FAM83B: variants seen among roughly 807,000 people sequenced by gnomAD.
FAM83B encodes scaffolding CK1 anchoring protein B.
A neutral mutation model predicts 38.8 loss-of-function variants in FAM83B; 26 were observed. The ratio of observed to expected loss-of-function variants is 0.67; its 90% CI spans 0.49 to 0.93. The LOEUF (loss-of-function observed/expected upper bound fraction) is 0.93, where lower values mean the gene tolerates loss of function less well. FAM83B is among the 40% of genes least tolerant of loss of function. The pLI is 0.00. For missense variants in FAM83B, 1,237 were observed against 1,197.3 expected, an observed-to-expected ratio of 1.03 and a Z score of -0.49; for synonymous variants, 419 against 423.1, an observed-to-expected ratio of 0.99 and a Z score of 0.12.
At position 54,883,157 on chromosome 6, in the gene FAM83B, A is replaced by C. The variant is rs531387640; in HGVS notation, c.444+12467A>C. Among the ~76,000 whole-genome samples the C allele has an allele frequency of 8.1e-4, 123 of 151,950 alleles. 1 individual carries two copies. Among genetic ancestry groups the C allele is most frequent in the Middle Eastern group, 3.4e-3 (1 of 294 alleles). ...GACTGGTTTCACCGTGTTAGCCAGG[A>C]TGGTCTCTATCTCCTGACCTTGTGA... On this transcript the variant is annotated intron_variant, in intron 2 of 4. Transcript: ENST00000306858.
At chr6:54,937,327 G>C (rs1366418973) in intron 4 of FAM83B, among the ~76,000 whole-genome samples, 1 of 151,838 alleles carries the variant, frequency 6.6e-6, no homozygotes, top group Non-Finnish European at 1.5e-5. Flanking sequence ...AAAGGAATTG[G>C]AGCTTCCATA....
intron 2 of FAM83B, among the ~76,000 whole-genome samples, chr6:54,923,872 T>TC (rs1480737760): frequency 6.6e-6 from 1 of 151,708 alleles, no homozygotes; most frequent in Non-Finnish European, 1.5e-5. Flanking sequence ...TTTTCTTTTT[T>TC]TTTTTTTAAC....
Position 54,915,812 on chromosome 6 carries a change from CAAAAA to C in FAM83B, c.445-10538_445-10534del, listed in dbSNP as rs58597609. ...TGGGCGACAGAGCGAGACTCCGTCTCAAAAAAAAAAAAAAAAAAAAAAAAAGAAAC... is the reference window on the plus strand; with the variant it reads ...TGGGCGACAGAGCGAGACTCCGTCTCAAAAAAAAAAAAAAAAAAAAGAAAC... On this transcript the variant is annotated intron_variant, in intron 2 of 4. Transcript: ENST00000306858. Among the ~76,000 whole-genome samples, 101 of 18,038 alleles carry C rather than the reference CAAAAA, an allele frequency of 5.6e-3. 4 individuals are homozygous for C. The highest frequency in any genetic ancestry group is 9.9e-3 in the African/African-American group (42 of 4,248). The allele number at this position is 18,038 out of a possible 152,430, so 11.8% of individuals were successfully genotyped here.
chr6:54,880,699 T>C (rs1039441978), intron 2 of FAM83B, among the ~76,000 whole-genome samples: 4 of 152,116 alleles, frequency 2.6e-5, no homozygotes, highest in Admixed American at 2.0e-4. Flanking sequence ...CGCCTCGGCC[T>C]CCCCAGGTGC....
In FAM83B at chr6:54,941,630, C is replaced by G; in HGVS notation, c.2659C>G (p.Pro887Ala). ...GGAAAGGGCAGGAGATGCCTCTGCC[C>G]CAAGATTTAACACTGAACAGATCCA... ...FLERAGDASA[P>A]RFNTEQIQYR... Residue 887 changes from proline (P) to alanine (A), a missense_variant, in exon 5 of 5, where the codon CCA becomes GCA. Physicochemically the swap from Pro to Ala is conservative, Grantham distance 27 (BLOSUM62 -1). Transcript: ENST00000306858. The G allele has an allele frequency of 6.2e-7, 1 of 1,614,018 alleles. No homozygotes were observed. The highest frequency in any genetic ancestry group is 2.2e-5 in the East Asian group (1 of 44,870).
rs1330053621 is a variant in FAM83B, at chr6:54,926,497, ATGAC to A, written c.575_578del (p.Thr192ArgfsTer18). 3.1e-6 allele frequency: 5 copies of A among 1,607,984 alleles called. No individual in the cohort carries two copies. Among genetic ancestry groups the A allele is most frequent in the South Asian group, 1.1e-5 (1 of 90,350 alleles). Reference sequence around the variant, plus strand: ...GTCCAATTTTAATCATTTTCTAAATATGACTGAGAAACAAGGTTGTTCAGTTCAG... The same window carrying A: ...GTCCAATTTTAATCATTTTCTAAATATGAGAAACAAGGTTGTTCAGTTCAG... On this transcript the variant is annotated frameshift_variant, in exon 3 of 5. Coordinates refer to ENST00000306858, the MANE Select transcript of FAM83B (RefSeq NM_001010872.3). LOFTEE classifies it high-confidence loss of function.
At chr6:54,933,371 CTG>C (rs920577317) in intron 4 of FAM83B, among the ~76,000 whole-genome samples, 54 of 151,024 alleles carry the variant, frequency 3.6e-4, no homozygotes, top group Non-Finnish European at 6.9e-4. Context: ...GTTTACTTGT[CTG>C]TGTGTGTGTG....
intron 2 of FAM83B, among the ~76,000 whole-genome samples, chr6:54,877,671 C>T (rs549760056): frequency 6.6e-6 from 1 of 152,278 alleles, no homozygotes; most frequent in East Asian, 1.9e-4. Context: ...AGGCACTGTG[C>T]TAAGCACTTT....
In FAM83B at chr6:54,927,470, A is replaced by T. The variant is rs769999411; in HGVS notation, c.610-38A>T. On this transcript the variant is annotated intron_variant, in intron 3 of 4. Transcript: ENST00000306858. ...TTGGTTTTCAAAATATTCTTTTCCT[A>T]GCCATAATGTCTGCTTTTTATTTAC... 5 of 1,455,968 alleles carry T rather than the reference A, an allele frequency of 3.4e-6. No homozygotes were observed. In the African/African-American group the frequency reaches 7.1e-5, roughly 21 times the overall value. The allele number at this position is 1,455,968 out of a possible 1,614,324, so 90.2% of individuals were successfully genotyped here.
chr6:54,941,888 G>A lies in FAM83B; in HGVS notation c.2917G>A (p.Gly973Ser), dbSNP rs753130337. The A allele has an allele frequency of 6.2e-7, 1 of 1,613,870 alleles. No homozygotes were observed. Among genetic ancestry groups the A allele is most frequent in the Non-Finnish European group, 8.5e-7 (1 of 1,179,934 alleles). Reference protein sequence around the residue: ...IKSATMGNSYGRSSPLLNYNT... With the variant: ...IKSATMGNSYSRSSPLLNYNT... ...ATCTGCGACTATGGGCAACAGTTAT[G>A]GCAGGTCTAGTCCATTGCTTAATTA... is the stretch of plus-strand genomic sequence containing the variant. The change falls in exon 5 of 5, where the codon GGC becomes AGC. Residue 973 changes from glycine to serine, a missense_variant. Gly to Ser is a moderately conservative substitution (Grantham distance 56). Coordinates refer to ENST00000306858, the MANE Select transcript of FAM83B (RefSeq NM_001010872.3).
At chr6:54,848,018 G>C (rs1027051102) in intron 1 of FAM83B, among the ~76,000 whole-genome samples, 2 of 145,932 alleles carry the variant, frequency 1.4e-5, no homozygotes, top group African/African-American at 5.1e-5. Flanking sequence ...GACTGAGGCT[G>C]AATCATTGCT....
intron 2 of FAM83B, among the ~76,000 whole-genome samples, chr6:54,884,494 A>G (rs968790880): frequency 2.0e-5 from 3 of 151,482 alleles, no homozygotes; most frequent in Non-Finnish European, 4.4e-5. Flanking sequence ...AAAAAAAAAA[A>G]AAAAAGAAAT....
Position 54,907,638 on chromosome 6 carries a change from T to A in FAM83B, c.445-18733T>A, listed in dbSNP as rs370846756. 8.4e-4 allele frequency among the ~76,000 whole-genome samples: 121 copies of A among 143,658 alleles called. 2 individuals carry two copies. The South Asian group carries it at 0.02, about 24-fold the overall frequency. The allele number at this position is 143,658 out of a possible 152,430, so 94.2% of individuals were successfully genotyped here. ...AGAATGTTTTATGAAGATTTTTTTT[T>A]AAAAAACAGTGTCATAGAATTTCAG... is the stretch of plus-strand genomic sequence containing the variant. On this transcript the variant is annotated intron_variant, in intron 2 of 4. Transcript: ENST00000306858.
At chr6:54,902,074 CATT>C (rs1256510675) in intron 2 of FAM83B, among the ~76,000 whole-genome samples, 1 of 152,064 alleles carries the variant, frequency 6.6e-6, no homozygotes. Flanking sequence ...TTGGGTCAAC[CATT>C]ATTTCCTATA....
rs1292021384 is a variant in FAM83B at position 54,941,328 on chromosome 6, A to T, written c.2357A>T (p.Lys786Ile). ...TTACTTAGCCTTACCCCAGATAAGA[A>T]AGAAAATCTATCCAAAAATAAAGCA... ...RSLLSLTPDKKENLSKNKAPA... is the reference protein window; with the variant it reads ...RSLLSLTPDKIENLSKNKAPA... The change falls in exon 5 of 5, where the codon AAA becomes ATA. Residue 786 changes from lysine to isoleucine, a missense_variant. Transcript: ENST00000306858. 1.2e-6 allele frequency: 2 copies of T among 1,612,670 alleles called. No homozygotes were observed. Among genetic ancestry groups the T allele is most frequent in the Non-Finnish European group, 1.7e-6 (2 of 1,179,704 alleles).
At chr6:54,846,370 C>T (rs1314167472), upstream of FAM83B, among the ~76,000 whole-genome samples, 3 of 152,198 alleles carry the variant, frequency 2.0e-5, no homozygotes, top group Admixed American at 6.5e-5. Context: ...GACGGGACCA[C>T]GGCCCCGCTC....
intron 2 of FAM83B, among the ~76,000 whole-genome samples, chr6:54,890,858 T>C (rs1772386092): frequency 6.6e-6 from 1 of 152,068 alleles, no homozygotes; most frequent in Non-Finnish European, 1.5e-5. Flanking sequence ...CTGTGTTTAA[T>C]AGGGGACATT....
intron 1 of FAM83B, among the ~76,000 whole-genome samples, chr6:54,857,846 C>T (rs774402973): frequency 2.1e-4 from 32 of 151,676 alleles, no homozygotes; most frequent in Non-Finnish European, 3.5e-4. Context: ...AATGGGTAGT[C>T]GGGAAGACCT....
chr6:54,926,347 G>A (rs1468912829), intron 2 of FAM83B, 24 bp from the exon 3 acceptor site: 2 of 1,459,150 alleles, frequency 1.4e-6, no homozygotes, highest in South Asian at 1.4e-5. Context: ...ATCTAAAATT[G>A]TTTCATATTC....
Sources: allele counts gnomAD v4.1 joint callset (sites outside exome capture counted in the v4.1 genomes callset), GRCh38; gene constraint gnomAD v4.1.1; transcripts MANE v1.5; gene names NCBI Gene and HGNC (gene_info 2026-07-23, HGNC 2026-07-21).